Variants in KIAA0232 observed in about 807,000 individuals in gnomAD.
The protein encoded by KIAA0232 is uncharacterized protein KIAA0232.
A neutral mutation model predicts 122.0 loss-of-function variants in KIAA0232; 27 were observed. The observed-to-expected ratio is 0.22, with a 90% CI of 0.16 to 0.31. KIAA0232 has a LOEUF of 0.31. KIAA0232 is among the 10% of genes least tolerant of loss of function. The pLI is 1.00. For synonymous variants in KIAA0232, 613 were observed against 587.6 expected (o/e 1.04, Z -0.63); for missense variants, 1,551 against 1,634.2 (o/e 0.95, Z 0.88).
At chr4:6,860,201 C>A (rs971067127) in intron 6 of KIAA0232, among the ~76,000 whole-genome samples, 2 of 152,192 alleles carry the variant, frequency 1.3e-5, no homozygotes, top group African/African-American at 4.8e-5. Context: ...AGCTGCTGTT[C>A]CAACTCATTT....
chr4:6,810,628 G>C (rs1717835265), intron 2 of KIAA0232, among the ~76,000 whole-genome samples: 1 of 152,134 alleles, frequency 6.6e-6, no homozygotes, highest in Non-Finnish European at 1.5e-5. Context: ...AAATCAGCAG[G>C]AGATTGAAGA....
intron 7 of KIAA0232, among the ~76,000 whole-genome samples, chr4:6,870,972 G>A (rs1403377851): frequency 2.0e-5 from 3 of 152,348 alleles, no homozygotes; most frequent in African/African-American, 7.2e-5. Context: ...CTAGAAGTTT[G>A]CCTTGCTTGG....
chr4:6,829,494 C>A (rs1223477643), intron 3 of KIAA0232, among the ~76,000 whole-genome samples: 1 of 152,222 alleles, frequency 6.6e-6, no homozygotes, highest in Non-Finnish European at 1.5e-5. Context: ...TGCCTTCCAT[C>A]TTTTAAAAAT....
Position 6,862,234 on chromosome 4 carries a change from T to G in KIAA0232, c.1852T>G (p.Leu618Val). 1 of 1,614,194 alleles carries G rather than the reference T, an allele frequency of 6.2e-7. No homozygotes were observed. The highest frequency in any genetic ancestry group is 1.1e-5 in the South Asian group (1 of 91,080). ...GDSPVRLSPI[L>V]DSTVLNSHLL... ...CTCTCCAGTTAGACTCTCTCCCATC[T>G]TAGACAGCACAGTGCTCAATTCACA... Residue 618 changes from leucine to valine, a missense_variant, in exon 7 of 10, where the codon TTA (leucine) becomes GTA (valine). By Grantham distance (32) the Leu-to-Val change is conservative (BLOSUM62 1). Coordinates refer to ENST00000307659, the MANE Select transcript of KIAA0232 (RefSeq NM_014743.3).
chr4:6,825,578 A>G (rs1442429365), intron 3 of KIAA0232, among the ~76,000 whole-genome samples: 1 of 151,748 alleles, frequency 6.6e-6, no homozygotes, highest in East Asian at 1.9e-4. Flanking sequence ...TACACGAGAG[A>G]GAGAGAGAGA....
intron 9 of KIAA0232, among the ~76,000 whole-genome samples, chr4:6,879,602 G>A (rs938845627): frequency 5.9e-5 from 9 of 152,210 alleles, no homozygotes; most frequent in African/African-American, 1.9e-4. Flanking sequence ...TGAGGTGGGA[G>A]TGCTGCTAGT....
Position 6,857,052 on chromosome 4 carries a change from T to C in KIAA0232, c.370-112T>C. On this transcript the variant is annotated intron_variant, in intron 4 of 9. Coordinates refer to ENST00000307659, the MANE Select transcript of KIAA0232 (RefSeq NM_014743.3). ...TTCACGTAAATATTGGTAAGATATTTATTTTGGAATGTGGATGATTTGTAA... is the reference window on the plus strand; with the variant it reads ...TTCACGTAAATATTGGTAAGATATTCATTTTGGAATGTGGATGATTTGTAA... The C allele has an allele frequency of 4.7e-6, 3 of 631,878 alleles. No homozygotes were observed. In the South Asian group the frequency reaches 1.0e-4, roughly 22 times the overall value. 39.1% of individuals were successfully genotyped at this position (631,878 alleles called of 1,614,324 possible).
intron 1 of KIAA0232, among the ~76,000 whole-genome samples, chr4:6,789,214 G>T (rs1038326559): frequency 6.6e-6 from 1 of 151,146 alleles, no homozygotes; most frequent in Non-Finnish European, 1.5e-5. Context: ...CTCGTGGTCT[G>T]CCCGCTTTGG....
chr4:6,832,671 A>G (rs919055851), intron 3 of KIAA0232, among the ~76,000 whole-genome samples: 1 of 152,116 alleles, frequency 6.6e-6, no homozygotes, highest in African/African-American at 2.4e-5. Flanking sequence ...CTTTTCTGCT[A>G]TGTTTTCTGT....
At chr4:6,821,369 C>T (rs371700586) in intron 2 of KIAA0232, among the ~76,000 whole-genome samples, 9 of 152,148 alleles carry the variant, frequency 5.9e-5, no homozygotes, top group East Asian at 3.9e-4. Flanking sequence ...ATCTCTTACC[C>T]GTCTCCCACC....
chr4:6,869,346 C>A (rs774320168), intron 7 of KIAA0232, among the ~76,000 whole-genome samples: 2 of 152,206 alleles, frequency 1.3e-5, no homozygotes, highest in African/African-American at 4.8e-5. Context: ...TCTTCAATAG[C>A]GCCTTAGGGA....
intron 3 of KIAA0232, among the ~76,000 whole-genome samples, chr4:6,839,426 A>T (rs1719524000): frequency 1.3e-5 from 2 of 152,238 alleles, no homozygotes; most frequent in African/African-American, 2.4e-5. Context: ...CATGGAATAG[A>T]GAAGTTTTAA....
chr4:6,831,260 T>TG (rs1486040708), intron 3 of KIAA0232, among the ~76,000 whole-genome samples: 21 of 152,172 alleles, frequency 1.4e-4, no homozygotes, highest in African/African-American at 5.1e-4. Flanking sequence ...TTCACTATGT[T>TG]GGTCAGGCTG....
chr4:6,787,940 G>A (rs1716705088), intron 1 of KIAA0232, among the ~76,000 whole-genome samples: 1 of 152,146 alleles, frequency 6.6e-6, no homozygotes, highest in Non-Finnish European at 1.5e-5. Flanking sequence ...TCCTCCCCTG[G>A]TTGAGAATTA....
chr4:6,845,701 C>T (rs1357261829), intron 4 of KIAA0232, among the ~76,000 whole-genome samples: 1 of 151,976 alleles, frequency 6.6e-6, no homozygotes, highest in African/African-American at 2.4e-5. Flanking sequence ...CAGGTTCAGA[C>T]TGAGAAAGGA....
Position 6,816,406 on chromosome 4 carries a change from C to T in KIAA0232, c.-269-7779C>T, listed in dbSNP as rs896471719. On this transcript the variant is annotated intron_variant, in intron 2 of 9. Coordinates refer to ENST00000307659, the MANE Select transcript of KIAA0232 (RefSeq NM_014743.3). ...CACGCCATTCTCCTGCCTCAGCCTT[C>T]CGAGTAGCTGGGACTACAAGCGCCT... 3.3e-5 allele frequency among the ~76,000 whole-genome samples: 5 copies of T among 151,896 alleles called. No individual in the cohort carries two copies. In the East Asian group the frequency reaches 5.8e-4, roughly 18 times the overall value.
rs765012260 is a variant in KIAA0232 at position 6,862,098 on chromosome 4, C to G, written c.1716C>G (p.Ser572Arg). Residue 572 changes from serine to arginine, a missense_variant, in exon 7 of 10, where the codon AGC becomes AGG. Transcript: ENST00000307659. ...GERAIWTDST[S>R]SVGAEGLFLQ... ...GTGCAATATGGACAGATTCTACCAGCTCCGTAGGTGCTGAGGGCTTATTCC... is the reference window on the plus strand; with the variant it reads ...GTGCAATATGGACAGATTCTACCAGGTCCGTAGGTGCTGAGGGCTTATTCC... The G allele has an allele frequency of 1.2e-6, 2 of 1,614,180 alleles. No homozygotes were observed. The highest frequency in any genetic ancestry group is 2.2e-5 in the South Asian group (2 of 91,082).
chr4:6,816,475 G>A (rs1442519289), intron 2 of KIAA0232, among the ~76,000 whole-genome samples: 1 of 151,878 alleles, frequency 6.6e-6, no homozygotes, highest in African/African-American at 2.4e-5. Flanking sequence ...GTAGAGACAG[G>A]GTTTCACCGT....
At chr4:6,832,350 CTTT>C (rs541814218) in intron 3 of KIAA0232, among the ~76,000 whole-genome samples, 5 of 134,696 alleles carry the variant, frequency 3.7e-5, no homozygotes, top group Non-Finnish European at 4.8e-5. Flanking sequence ...AAGTTGGGGC[CTTT>C]TTTTTTTTTT....
Sources: allele counts gnomAD v4.1 joint callset (sites outside exome capture counted in the v4.1 genomes callset), GRCh38; gene constraint gnomAD v4.1.1; transcripts MANE v1.5; gene names NCBI Gene and HGNC (gene_info 2026-07-23, HGNC 2026-07-21).